Variants in POFUT1 observed in about 807,000 individuals in gnomAD.
POFUT1 encodes GDP-fucose protein O-fucosyltransferase 1.
In POFUT1, 16 loss-of-function variants were observed where a neutral mutation model predicts 42.4. The observed-to-expected ratio is 0.38, with a 90% CI of 0.26 to 0.57. The LOEUF (loss-of-function observed/expected upper bound fraction) is 0.57. POFUT1 is among the 20% of genes least tolerant of loss of function. The probability of loss-of-function intolerance (pLI) is 0.71; values close to 1 mark genes in which losing one functional copy is unlikely to be tolerated. For synonymous variants in POFUT1, 206 were observed against 205.4 expected, an observed-to-expected ratio of 1.00 and a Z score of -0.03; for missense variants, 470 against 504.6, an observed-to-expected ratio of 0.93 and a Z score of 0.66.
At chr20:32,213,538 C>T (rs567023353) in intron 2 of POFUT1, among the ~76,000 whole-genome samples, 10 of 148,928 alleles carry the variant, frequency 6.7e-5, no homozygotes, top group African/African-American at 2.2e-4. Context: ...TTTGGGAGAC[C>T]GAGGTGGACA....
At position 32,234,769 on chromosome 20, in the gene POFUT1, T is replaced by G; in HGVS notation, c.*108T>G. The G allele has an allele frequency of 1.1e-6, 1 of 948,958 alleles. No homozygotes were observed. Among genetic ancestry groups the G allele is most frequent in the South Asian group, 1.7e-5 (1 of 59,784 alleles). 58.8% of individuals were successfully genotyped at this position (948,958 alleles called of 1,614,324 possible). A position where few individuals can be genotyped will look rare whatever the true frequency, so the allele number is the denominator to read the frequency against. On this transcript the variant is annotated 3_prime_UTR_variant, in exon 7 of 7. Transcript: ENST00000375749. ...GTGCTCCGGGATTGCAAACTCCTCT[T>G]CTCACCTGCCAAAGATGGAGAAGAG...
chr20:32,213,732 T>C (rs2047343522), intron 2 of POFUT1, among the ~76,000 whole-genome samples: 1 of 151,634 alleles, frequency 6.6e-6, no homozygotes, highest in African/African-American at 2.4e-5. Flanking sequence ...GATCACGCCA[T>C]TGCACTCCAG....
In POFUT1 at chr20:32,210,091, G is replaced by A. The variant is rs370909689; in HGVS notation, c.145G>A (p.Asp49Asn). The A allele has an allele frequency of 2.5e-5, 40 of 1,614,006 alleles. No individual in the cohort carries two copies. The highest frequency in any genetic ancestry group is 3.2e-5 in the Non-Finnish European group (38 of 1,180,008). ...PCMGRFGNQADHFLGSLAFAK... is the reference protein window; with the variant it reads ...PCMGRFGNQANHFLGSLAFAK... ...TCCAGGGCGCTTTGGGAACCAGGCCGATCACTTCTTGGGCTCTCTGGCATT... is the reference window on the plus strand; with the variant it reads ...TCCAGGGCGCTTTGGGAACCAGGCCAATCACTTCTTGGGCTCTCTGGCATT... Residue 49 changes from aspartate to asparagine, a missense_variant, in exon 2 of 7, where the codon GAT (aspartate) becomes AAT (asparagine). Physicochemically the swap from Asp to Asn is conservative, Grantham distance 23 (BLOSUM62 1). Transcript: ENST00000375749.
intron 6 of POFUT1, among the ~76,000 whole-genome samples, chr20:32,232,311 AAAAGAAAG>A (rs137998680): frequency 1.8e-4 from 27 of 151,550 alleles, no homozygotes; most frequent in Admixed American, 2.0e-4. Context: ...CTATTTAAAA[AAAAGAAAG>A]AAAGAAAGAA....
At chr20:32,222,610 G>A in intron 4 of POFUT1, 1 of 985,394 alleles carries the variant, frequency 1.0e-6, no homozygotes, top group Non-Finnish European at 1.2e-6. Context: ...ATGTTTGGCT[G>A]ATAAGAAGTG....
Position 32,237,803 on chromosome 20 carries a change from G to A in POFUT1, c.*3142G>A, listed in dbSNP as rs1321505463. ...TAACAGGGTTGCAGGCGAGAGACTGGGGTGCTGGGCTCCCCTAGACTAGGA... is the reference window on the plus strand; with the variant it reads ...TAACAGGGTTGCAGGCGAGAGACTGAGGTGCTGGGCTCCCCTAGACTAGGA... On this transcript the variant is annotated 3_prime_UTR_variant, in exon 7 of 7. Coordinates refer to ENST00000375749, the MANE Select transcript of POFUT1 (RefSeq NM_015352.2). 1 of 534,668 alleles carries A rather than the reference G, an allele frequency of 1.9e-6. No individual in the cohort carries two copies. Among genetic ancestry groups the A allele is most frequent in the Non-Finnish European group, 3.8e-6 (1 of 260,080 alleles). The allele number at this position is 534,668 out of a possible 1,614,324, so 33.1% of individuals were successfully genotyped here. A position where few individuals can be genotyped will look rare whatever the true frequency, so the allele number is the denominator to read the frequency against.
At position 32,215,270 on chromosome 20, in the gene POFUT1, T is replaced by G. The variant is rs757665235; in HGVS notation, c.248T>G (p.Leu83Arg). Residue 83 changes from leucine (L) to arginine (R), a missense_variant and splice_region_variant, in exon 3 of 7, where the codon CTC becomes CGC. Coordinates refer to ENST00000375749, the MANE Select transcript of POFUT1 (RefSeq NM_015352.2). ...YQHHKPPFTN[L>R]HVSYQKYFKL... is the part of the protein sequence containing the mutation. ...CCTCTGCTCCTCCTTTTCCTGTAGC[T>G]CCATGTGTCCTACCAGAAGTACTTC... 30 of 1,607,166 alleles carry G rather than the reference T, an allele frequency of 1.9e-5. No individual in the cohort carries two copies. Among genetic ancestry groups the G allele is most frequent in the Non-Finnish European group, 2.6e-5 (30 of 1,174,338 alleles).
At chr20:32,217,906 A>G (rs1040644900) in intron 4 of POFUT1, 2 of 177,488 alleles carry the variant, frequency 1.1e-5, no homozygotes, top group African/African-American at 4.8e-5. Flanking sequence ...TTTAATAAAT[A>G]ACAACAGCTA....
At position 32,209,923 on chromosome 20, in the gene POFUT1, T is replaced by G. The variant is rs1053145779; in HGVS notation, c.125-148T>G. The G allele has an allele frequency of 1.0e-5, 8 of 782,332 alleles. No homozygotes were observed. In the South Asian group the frequency reaches 1.3e-4, roughly 13 times the overall value. 48.5% of individuals were successfully genotyped at this position (782,332 alleles called of 1,614,324 possible). On this transcript the variant is annotated intron_variant, in intron 1 of 6. Coordinates refer to ENST00000375749, the MANE Select transcript of POFUT1 (RefSeq NM_015352.2). ...GAGCCTTGGATATCAGACCCAAGAG[T>G]CCAGACTTGTTCTTATGCTGCCAGC...
Position 32,234,931 on chromosome 20 carries a change from G to GCCTC in POFUT1, c.*272_*275dup, listed in dbSNP as rs1600396534. 8.1e-6 allele frequency: 3 copies of GCCTC among 372,334 alleles called. No homozygotes were observed. The East Asian group carries it at 1.4e-4, about 17-fold the overall frequency. 23.1% of individuals were successfully genotyped at this position (372,334 alleles called of 1,614,324 possible). On this transcript the variant is annotated 3_prime_UTR_variant, in exon 7 of 7. Transcript: ENST00000375749. ...TTTCTCACACTGGCAAAGCAGTCCA[G>GCCTC]CCTCCGTCTTCTGGTCCACTCTGCT...
In POFUT1 at chr20:32,228,329, G is replaced by T. The variant is rs1353600705; in HGVS notation, c.609G>T (p.Glu203Asp). 6 of 1,613,810 alleles carry T rather than the reference G, an allele frequency of 3.7e-6. No homozygotes were observed. The African/African-American group carries it at 8.0e-5, about 22-fold the overall frequency. Residue 203 changes from glutamate to aspartate, a missense_variant, in exon 5 of 7, where the codon GAG becomes GAT. Coordinates refer to ENST00000375749, the MANE Select transcript of POFUT1 (RefSeq NM_015352.2). ...CCCCAGCCCAGTTCCCCGTCCTAGA[G>T]GAACACAGGCCACTACAGAAGTACA... The part of the protein sequence containing the change: ...PGAPAQFPVL[E>D]EHRPLQKYMV...
intron 5 of POFUT1, 80 bp downstream of exon 5, chr20:32,228,535 C>T: frequency 7.3e-6 from 9 of 1,233,618 alleles, no homozygotes; most frequent in East Asian, 2.4e-5. Context: ...ATCGGCCCCG[C>T]GTCCCAGCCA....
At chr20:32,223,760 C>T (rs1053977667) in intron 4 of POFUT1, 6 of 905,612 alleles carry the variant, frequency 6.6e-6, no homozygotes, top group Non-Finnish European at 7.9e-6. Context: ...TGATAAGGTC[C>T]ATGCTGGGGC....
At chr20:32,210,411 C>T (rs1181201995) in intron 2 of POFUT1, among the ~76,000 whole-genome samples, 1 of 152,218 alleles carries the variant, frequency 6.6e-6, no homozygotes, top group Non-Finnish European at 1.5e-5. Context: ...ACCCTCATCA[C>T]TTGCCTGTGA....
intron 4 of POFUT1, chr20:32,223,244 G>A (rs529705440): frequency 1.4e-4 from 139 of 985,316 alleles, no homozygotes; most frequent in Non-Finnish European, 1.6e-4. Flanking sequence ...AGCAGTCACC[G>A]GGAGGTGGTG....
In POFUT1 at chr20:32,207,890, C is replaced by T. The variant is rs2047300095; in HGVS notation, c.-52C>T. The T allele has an allele frequency of 2.0e-5, 30 of 1,474,602 alleles. No individual in the cohort carries two copies. In the East Asian group the frequency reaches 2.6e-4, roughly 13 times the overall value. The allele number at this position is 1,474,602 out of a possible 1,614,324, so 91.3% of individuals were successfully genotyped here. ...GGGAGCGGGGCGGGCGCTCGCGTCC[C>T]TCCTTCCCTCCCCGACTGTGCGCCG... On this transcript the variant is annotated 5_prime_UTR_variant, in exon 1 of 7. Transcript: ENST00000375749.
In POFUT1 at chr20:32,215,462, T is replaced by G. The variant is rs1555890238; in HGVS notation, c.429+11T>G. ...ACGTGCCCCATGAAGGTGGGTCCTG[T>G]GGGTTCGGGGGCCCTTTCTTCCTGT... is the stretch of plus-strand genomic sequence containing the variant. On this transcript the variant is annotated intron_variant, in intron 3 of 6. Coordinates refer to ENST00000375749, the MANE Select transcript of POFUT1 (RefSeq NM_015352.2). 6.3e-7 allele frequency: 1 copy of G among 1,598,614 alleles called. No homozygotes were observed. Among genetic ancestry groups the G allele is most frequent in the Admixed American group, 1.7e-5 (1 of 59,690 alleles).
intron 4 of POFUT1, among the ~76,000 whole-genome samples, chr20:32,226,183 T>G (rs562893106): frequency 6.6e-6 from 1 of 152,334 alleles, no homozygotes; most frequent in South Asian, 2.1e-4. Flanking sequence ...CATGGGTATA[T>G]AAATTATTAA....
At chr20:32,233,011 G>A (rs1409909502) in intron 6 of POFUT1, among the ~76,000 whole-genome samples, 3 of 152,220 alleles carry the variant, frequency 2.0e-5, no homozygotes, top group East Asian at 1.9e-4. Context: ...GGGCCACAAG[G>A]TGGATTCAGG....
Sources: gnomAD v4.1 joint callset for allele counts (sites outside exome capture counted in the v4.1 genomes callset) on GRCh38, gnomAD v4.1.1 for gene constraint, MANE v1.5 for transcripts, NCBI Gene and HGNC (gene_info 2026-07-23, HGNC 2026-07-21) for gene names.